Variants in EXOC6B observed in about 807,000 individuals in gnomAD.
The protein encoded by EXOC6B is SEC15 homolog B.
EXOC6B carries 54 observed loss-of-function variants against 113.5 expected under a neutral mutation model. The observed-to-expected ratio is 0.48, with a 90% confidence interval of 0.38 to 0.60. The LOEUF is 0.60. Ranked by LOEUF, EXOC6B falls within the 20% of genes least tolerant of loss-of-function variation. The pLI, the probability that EXOC6B is intolerant of heterozygous loss-of-function variation, is 0.00. For synonymous variants in EXOC6B, 357 were observed against 339.0 expected, an observed-to-expected ratio of 1.05 and a Z score of -0.58; for missense variants, 797 against 977.5, an observed-to-expected ratio of 0.82 and a Z score of 2.46.
chr2:72,548,253 C>T (rs1703014037), intron 8 of EXOC6B, among the ~76,000 whole-genome samples: 1 of 152,102 alleles, frequency 6.6e-6, no homozygotes, highest in Non-Finnish European at 1.5e-5. Context: ...ATCTATAAGA[C>T]CATGACCGAA....
intron 18 of EXOC6B, among the ~76,000 whole-genome samples, chr2:72,383,240 T>A (rs759407747): frequency 6.6e-6 from 1 of 152,138 alleles, no homozygotes; most frequent in African/African-American, 2.4e-5. Context: ...TTACAGACTA[T>A]GCATCTGGCA....
chr2:72,566,108 TA>T (rs1172896146), intron 7 of EXOC6B, among the ~76,000 whole-genome samples: 2 of 152,110 alleles, frequency 1.3e-5, no homozygotes, highest in East Asian at 3.9e-4. Flanking sequence ...TATAGACCTG[TA>T]ATCATCATCA....
intron 20 of EXOC6B, among the ~76,000 whole-genome samples, chr2:72,208,519 C>T (rs1259665065): frequency 6.6e-6 from 1 of 152,100 alleles, no homozygotes; most frequent in Admixed American, 6.5e-5. Flanking sequence ...CATGTCTTTG[C>T]TATTGTGAAT....
At chr2:72,700,464 C>G (rs1038218509) in intron 6 of EXOC6B, among the ~76,000 whole-genome samples, 2 of 152,164 alleles carry the variant, frequency 1.3e-5, no homozygotes, top group African/African-American at 4.8e-5. Flanking sequence ...ATTTTCTTCT[C>G]TGCTTAGAGG....
intron 6 of EXOC6B, among the ~76,000 whole-genome samples, chr2:72,597,471 T>C (rs1046879740): frequency 5.3e-5 from 8 of 151,762 alleles, no homozygotes; most frequent in Admixed American, 4.6e-4. Flanking sequence ...GAAAATGGAA[T>C]TCTATAAAAT....
At chr2:72,335,470 T>C (rs1688640437) in intron 19 of EXOC6B, among the ~76,000 whole-genome samples, 1 of 151,896 alleles carries the variant, frequency 6.6e-6, no homozygotes, top group Non-Finnish European at 1.5e-5. Context: ...TCCCCAAGCA[T>C]TTATCAAAAA....
intron 18 of EXOC6B, among the ~76,000 whole-genome samples, chr2:72,435,617 A>T (rs1695806493): frequency 6.6e-6 from 1 of 151,990 alleles, no homozygotes; most frequent in African/African-American, 2.4e-5. Flanking sequence ...TATTTAGGAT[A>T]GTTGGCTCTT....
intron 10 of EXOC6B, among the ~76,000 whole-genome samples, chr2:72,513,909 C>G (rs914173089): frequency 6.6e-6 from 1 of 151,954 alleles, no homozygotes; most frequent in African/African-American, 2.4e-5. Context: ...ATTTTAATAA[C>G]TACTAATTAC....
At chr2:72,758,392 AAAGT>A (rs1158918691) in intron 1 of EXOC6B, among the ~76,000 whole-genome samples, 2 of 152,084 alleles carry the variant, frequency 1.3e-5, no homozygotes, top group African/African-American at 4.8e-5. Context: ...GTCAACTGAA[AAAGT>A]AAGCCACTTT....
chr2:72,399,934 C>CTAAA (rs1428545795), intron 18 of EXOC6B, among the ~76,000 whole-genome samples: 2 of 151,948 alleles, frequency 1.3e-5, no homozygotes, highest in Non-Finnish European at 2.9e-5. Flanking sequence ...AAAACCAATC[C>CTAAA]TAAAATTCAT....
intron 20 of EXOC6B, among the ~76,000 whole-genome samples, chr2:72,284,189 T>A (rs1476991851): frequency 6.6e-6 from 1 of 152,042 alleles, no homozygotes; most frequent in African/African-American, 2.4e-5. Context: ...AAACTACATA[T>A]CAATATCACT....
At chr2:72,747,068 AG>A (rs1681750928) in intron 1 of EXOC6B, among the ~76,000 whole-genome samples, 1 of 152,084 alleles carries the variant, frequency 6.6e-6, no homozygotes, top group African/African-American at 2.4e-5. Flanking sequence ...AAAAAGAGAG[AG>A]AGAGAGACAA....
chr2:72,508,669 G>A (rs1700739605), intron 11 of EXOC6B, among the ~76,000 whole-genome samples: 1 of 152,122 alleles, frequency 6.6e-6, no homozygotes, highest in Non-Finnish European at 1.5e-5. Flanking sequence ...AGCTACTTGG[G>A]AGGCTGAGGC....
intron 20 of EXOC6B, among the ~76,000 whole-genome samples, chr2:72,214,563 G>A (rs969738158): frequency 6.7e-6 from 1 of 149,834 alleles, no homozygotes; most frequent in African/African-American, 2.5e-5. Flanking sequence ...TGCCTCTTTT[G>A]GCTAGGATTC....
At chr2:72,593,541 G>T (rs1706110889) in intron 6 of EXOC6B, among the ~76,000 whole-genome samples, 1 of 150,534 alleles carries the variant, frequency 6.6e-6, no homozygotes. Flanking sequence ...AGTGTTAGCA[G>T]AATAGAAAAA....
At chr2:72,571,214 G>A (rs571455545) in intron 7 of EXOC6B, among the ~76,000 whole-genome samples, 1 of 152,184 alleles carries the variant, frequency 6.6e-6, no homozygotes, top group African/African-American at 2.4e-5. Context: ...TGCCCACAGG[G>A]TGATTTCAAT....
chr2:72,224,994 G>GTGTGTGTATATATATATATATATATATA (rs908047817), intron 20 of EXOC6B, among the ~76,000 whole-genome samples: 53 of 137,308 alleles, frequency 3.9e-4, no homozygotes, highest in African/African-American at 6.3e-4. Flanking sequence ...GTGTGTGTGT[G>GTGTGTGTATATATATATATATATATATA]TATATATATA....
chr2:72,317,155 TG>T lies in EXOC6B; in HGVS notation c.2196+17791del, dbSNP rs773393709. Among the ~76,000 whole-genome samples, 761 of 140,280 alleles carry T rather than the reference TG, an allele frequency of 5.4e-3. 7 individuals carry two copies. The highest frequency in any genetic ancestry group is 0.021 in the African/African-American group (656 of 31,486). 92.0% of individuals were successfully genotyped at this position (140,280 alleles called of 152,430 possible). A position where few individuals can be genotyped will look rare whatever the true frequency, so the allele number is the denominator to read the frequency against. On this transcript the variant is annotated intron_variant, in intron 20 of 21. Coordinates refer to ENST00000272427, the MANE Select transcript of EXOC6B (RefSeq NM_015189.3). ...AAATGCTACCATGATAATTGTGGTTTGTTTTTTTTTTTTAAATAGTAGGTGG... is the reference window on the plus strand; with the variant it reads ...AAATGCTACCATGATAATTGTGGTTTTTTTTTTTTTTTAAATAGTAGGTGG...
intron 6 of EXOC6B, among the ~76,000 whole-genome samples, chr2:72,657,562 C>CCTT (rs1674678141): frequency 1.7e-4 from 7 of 41,940 alleles, no homozygotes; most frequent in African/African-American, 8.1e-4. Flanking sequence ...TTCCTCTTTC[C>CCTT]TTTTCTTTTT....
Sources: gnomAD v4.1 joint callset for allele counts (sites outside exome capture counted in the v4.1 genomes callset) on GRCh38, gnomAD v4.1.1 for gene constraint, MANE v1.5 for transcripts, NCBI Gene and HGNC (gene_info 2026-07-23, HGNC 2026-07-21) for gene names.